Variants in SNX19 observed in about 807,000 individuals in gnomAD.
SNX19 encodes sorting nexin 19.
SNX19 carries 60 observed loss-of-function variants against 85.2 expected under a neutral mutation model. The observed-to-expected ratio is 0.70, with a 90% confidence interval of 0.57 to 0.87. The LOEUF is 0.87. Among genes scored for constraint, SNX19 ranks in the 40% least tolerant of loss-of-function variants. SNX19 has a pLI of 0.00. For synonymous variants in SNX19, 520 were observed against 470.0 expected (o/e 1.11, Z -1.38); for missense variants, 1,201 against 1,217.8 (o/e 0.99, Z 0.21).
intron 8 of SNX19, among the ~76,000 whole-genome samples, chr11:130,898,314 G>A (rs1176054442): frequency 3.9e-5 from 6 of 152,138 alleles, no homozygotes; most frequent in Non-Finnish European, 7.3e-5. Flanking sequence ...AATAATACTG[G>A]AGGTTGGAAC....
At position 130,907,932 on chromosome 11, in the gene SNX19, GGGT is replaced by G; in HGVS notation, c.2165+18_2165+20del. 6.2e-7 allele frequency: 1 copy of G among 1,612,286 alleles called. No individual in the cohort carries two copies. Among genetic ancestry groups the G allele is most frequent in the Non-Finnish European group, 8.5e-7 (1 of 1,179,598 alleles). On this transcript the variant is annotated intron_variant, in intron 5 of 10. Coordinates refer to ENST00000265909, the MANE Select transcript of SNX19 (RefSeq NM_014758.3). ...ATTTGAGAACTGGGGAAAGGTCCCTGGGTAACTGAGGGCTTCTCACTTGCTAGC... is the reference window on the plus strand; with the variant it reads ...ATTTGAGAACTGGGGAAAGGTCCCTGAACTGAGGGCTTCTCACTTGCTAGC...
intron 10 of SNX19, among the ~76,000 whole-genome samples, chr11:130,879,243 A>G (rs1231128091): frequency 1.3e-5 from 2 of 152,346 alleles, no homozygotes; most frequent in South Asian, 2.1e-4. Context: ...TACACAGGCC[A>G]GGGTACGCTC....
chr11:130,916,283 CGCAGCGG>C lies in SNX19; in HGVS notation c.-351_-345del, dbSNP rs768208623. ...CCTGGGGCCCACGGACACTTACACA[CGCAGCGG>C]GCAGCGGCCGGCGAAGACTGGGTCA... On this transcript the variant is annotated 5_prime_UTR_variant, in exon 1 of 11. Coordinates refer to ENST00000265909, the MANE Select transcript of SNX19 (RefSeq NM_014758.3). 3.1e-3 allele frequency: 772 copies of C among 252,128 alleles called. 4 individuals carry two copies. The highest frequency in any genetic ancestry group is 3.4e-3 in the Non-Finnish European group (443 of 128,742). 15.6% of individuals were successfully genotyped at this position (252,128 alleles called of 1,614,324 possible).
At chr11:130,890,240 G>A (rs1592303832) in intron 8 of SNX19, among the ~76,000 whole-genome samples, 1 of 152,002 alleles carries the variant, frequency 6.6e-6, no homozygotes, top group South Asian at 2.1e-4. Context: ...CTAAATATAG[G>A]TGATCCTACC....
rs1049995890 is a variant in SNX19 at position 130,877,118 on chromosome 11, A to T, written c.*1304T>A. On this transcript the variant is annotated 3_prime_UTR_variant, in exon 11 of 11. Coordinates refer to ENST00000265909, the MANE Select transcript of SNX19 (RefSeq NM_014758.3). ...CTTCCTCCGAGTGGTAGGCTCTGGTAATTCAGCGAAAGCAAGGCGCTAACA... is the reference window on the plus strand; with the variant it reads ...CTTCCTCCGAGTGGTAGGCTCTGGTTATTCAGCGAAAGCAAGGCGCTAACA... 3.3e-5 allele frequency: 5 copies of T among 152,240 alleles called. No homozygotes were observed. Among genetic ancestry groups the T allele is most frequent in the African/African-American group, 1.2e-4 (5 of 41,452 alleles). The allele number at this position is 152,240 out of a possible 1,614,324, so 9.4% of individuals were successfully genotyped here.
chr11:130,912,716 G>A lies in SNX19; in HGVS notation c.1675-945C>T, dbSNP rs547155696. Among the ~76,000 whole-genome samples, 22 of 152,236 alleles carry A rather than the reference G, an allele frequency of 1.4e-4. No homozygotes were observed. The South Asian group carries it at 3.9e-3, about 27-fold the overall frequency. On this transcript the variant is annotated intron_variant, in intron 1 of 10. Coordinates refer to ENST00000265909, the MANE Select transcript of SNX19 (RefSeq NM_014758.3). Reference sequence around the variant, plus strand: ...CTGATGTGAGCAAAGCAGTCCCTCAGAACAGCACTGAGAAGGAAAGACCAA... The same window carrying A: ...CTGATGTGAGCAAAGCAGTCCCTCAAAACAGCACTGAGAAGGAAAGACCAA...
intron 6 of SNX19, 147 bp from the exon 7 acceptor site, chr11:130,906,280 A>G: frequency 1.2e-6 from 1 of 855,472 alleles, no homozygotes; most frequent in South Asian, 1.8e-5. Flanking sequence ...GAAAGATTTT[A>G]TTTTTTACCG....
At chr11:130,902,145 C>T (rs1945301420) in intron 8 of SNX19, among the ~76,000 whole-genome samples, 1 of 152,230 alleles carries the variant, frequency 6.6e-6, no homozygotes, top group Non-Finnish European at 1.5e-5. Context: ...CGACCTTGGG[C>T]ATGTTAGTTG....
chr11:130,903,210 C>T, intron 8 of SNX19, 45 bp downstream of exon 8: 1 of 1,611,020 alleles, frequency 6.2e-7, no homozygotes, highest in East Asian at 2.2e-5. Context: ...TCCACCTTCT[C>T]TGCAACTTGA....
rs35654790 is a variant in SNX19 at position 130,903,716 on chromosome 11, T to TACACACACACACACAC, written c.2444-348_2444-333dup. 1.6e-3 allele frequency among the ~76,000 whole-genome samples: 224 copies of TACACACACACACACAC among 143,374 alleles called. 1 individual carries two copies. Among genetic ancestry groups the TACACACACACACACAC allele is most frequent in the African/African-American group, 5.7e-3 (219 of 38,606 alleles). The allele number at this position is 143,374 out of a possible 152,430, so 94.1% of individuals were successfully genotyped here. On this transcript the variant is annotated intron_variant, in intron 7 of 10. Coordinates refer to ENST00000265909, the MANE Select transcript of SNX19 (RefSeq NM_014758.3). ...ATATACATATATATATATATACACA[T>TACACACACACACACAC]ACACACACACACACACACACACACA...
In SNX19 at chr11:130,910,310, CT is replaced by C. The variant is rs769503392; in HGVS notation, c.1873del (p.Arg625GlufsTer2). Reference protein sequence around the residue: ...DLPLGNMDSDRVEARKSLLES... With the variant: ...DLPLGNMDSDXVEARKSLLES... ...TAGGAGGCTCTTACGGGCTTCTACT[CT>C]GTCACTGTCCATGTTTCCCAATGGA... On this transcript the variant is annotated frameshift_variant, in exon 3 of 11. Transcript: ENST00000265909. LOFTEE classifies it high-confidence loss of function. 3 of 1,613,088 alleles carry C rather than the reference CT, an allele frequency of 1.9e-6. No homozygotes were observed. In the African/African-American group the frequency reaches 4.0e-5, roughly 22 times the overall value.
In SNX19 at chr11:130,886,970, G is replaced by T. The variant is rs186819232; in HGVS notation, c.2574-6164C>A. Among the ~76,000 whole-genome samples the T allele has an allele frequency of 1.4e-3, 209 of 152,250 alleles. 1 individual carries two copies. The highest frequency in any genetic ancestry group is 2.4e-3 in the Non-Finnish European group (160 of 68,012). On this transcript the variant is annotated intron_variant, in intron 8 of 10. Coordinates refer to ENST00000265909, the MANE Select transcript of SNX19 (RefSeq NM_014758.3). ...TGCTGGGGAAGAATGAGGAGGAAAT[G>T]AACCCCGAGGGCAAGAAACTACCAC...
chr11:130,911,602 G>A, intron 2 of SNX19, 31 bp downstream of exon 2: 1 of 1,613,310 alleles, frequency 6.2e-7, no homozygotes, highest in Non-Finnish European at 8.5e-7. Flanking sequence ...TGGGAAGCAA[G>A]CGGGCAGTAG....
At chr11:130,884,017 T>A (rs3829271) in intron 8 of SNX19, among the ~76,000 whole-genome samples, 61,292 of 152,046 alleles carry the variant, frequency 0.4, 12,555 homozygotes, top group Admixed American at 0.48. Context: ...TGGTATACTT[T>A]GCCTTGCCCA....
Position 130,872,151 on chromosome 11 carries a change from G to A in SNX19, c.*6271C>T, listed in dbSNP as rs1486810704. Among the ~76,000 whole-genome samples the A allele has an allele frequency of 6.6e-6, 1 of 152,174 alleles. No individual in the cohort carries two copies. Among genetic ancestry groups the A allele is most frequent in the East Asian group, 1.9e-4 (1 of 5,192 alleles). On this transcript the variant is annotated 3_prime_UTR_variant, in exon 11 of 11. Transcript: ENST00000265909. ...CCAGGTTTCATCAAGCTGTTGAAGA[G>A]ACATCAAAGCCAGGAGTAATTCTCT...
At chr11:130,889,634 T>C (rs1010652505) in intron 8 of SNX19, among the ~76,000 whole-genome samples, 2 of 152,204 alleles carry the variant, frequency 1.3e-5, no homozygotes, top group East Asian at 1.9e-4. Flanking sequence ...TCCAGTACTC[T>C]CATCTATCTC....
In SNX19 at chr11:130,914,476, G is replaced by A. The variant is rs1946381351; in HGVS notation, c.1464C>T (p.Thr488=). 2 of 1,613,750 alleles carry A rather than the reference G, an allele frequency of 1.2e-6. No homozygotes were observed. Among genetic ancestry groups the A allele is most frequent in the African/African-American group, 2.7e-5 (2 of 74,922 alleles). ...SRPSCLEKDL[T]NDVSSLDPTL... is the part of the protein sequence containing the mutation. ...TAGGATCAAGGGAGCTCACATCATT[G>A]GTGAGATCCTTCTCTAAGCATGACG... The change falls in exon 1 of 11, where the codon ACC becomes ACT. Residue 488 remains threonine, a synonymous_variant. Transcript: ENST00000265909.
chr11:130,903,103 G>T, intron 8 of SNX19, 152 bp downstream of exon 8: 1 of 1,064,256 alleles, frequency 9.4e-7, no homozygotes, highest in Non-Finnish European at 1.3e-6. Flanking sequence ...AAAGCTTTCT[G>T]ATACTCTCAA....
At chr11:130,886,973 C>G (rs573271932) in intron 8 of SNX19, among the ~76,000 whole-genome samples, 84 of 152,282 alleles carry the variant, frequency 5.5e-4, no homozygotes, top group Non-Finnish European at 1.1e-3. Context: ...AGGAAATGAA[C>G]CCCGAGGGCA....
Sources: allele counts gnomAD v4.1 joint callset (sites outside exome capture counted in the v4.1 genomes callset), GRCh38; gene constraint gnomAD v4.1.1; transcripts MANE v1.5; gene names NCBI Gene and HGNC (gene_info 2026-07-23, HGNC 2026-07-21).